DNAH6: variants seen among roughly 807,000 people sequenced by gnomAD.
DNAH6 encodes the protein dynein axonemal heavy chain 6, also known as axonemal beta dynein heavy chain 6.
Under a neutral mutation model 491.4 loss-of-function variants are expected in DNAH6, and 340 were observed. That is an observed-to-expected ratio of 0.69 (90% CI 0.63 to 0.76). The LOEUF (loss-of-function observed/expected upper bound fraction) is 0.76, where lower values mean the gene tolerates loss of function less well. Ranked by LOEUF, DNAH6 falls within the 30% of genes least tolerant of loss-of-function variation. The pLI is 0.00. For synonymous variants in DNAH6, 1,603 were observed against 1,686.1 expected (o/e 0.95, Z 1.21); for missense variants, 4,443 against 4,972.2 (o/e 0.89, Z 3.20).
intron 54 of DNAH6, among the ~76,000 whole-genome samples, chr2:84,708,519 AAGAG>A (rs1455985407): frequency 6.8e-6 from 1 of 146,192 alleles, no homozygotes; most frequent in Non-Finnish European, 1.5e-5. Flanking sequence ...GAAAGAAAGA[AAGAG>A]AAAGAAAAAG....
At chr2:84,548,538 T>G (rs1207426645) in intron 8 of DNAH6, 121 bp downstream of exon 8, 26 of 1,109,348 alleles carry the variant, frequency 2.3e-5, no homozygotes, top group Non-Finnish European at 3.5e-5. Context: ...TATCACTATG[T>G]ATATCAAAGC....
intron 10 of DNAH6, among the ~76,000 whole-genome samples, chr2:84,557,005 G>A (rs1331041197): frequency 6.6e-6 from 1 of 152,220 alleles, no homozygotes; most frequent in Admixed American, 6.5e-5. Context: ...AAATACTGCA[G>A]TGATTGTCCT....
chr2:84,544,348 G>C lies in DNAH6; in HGVS notation c.778G>C (p.Glu260Gln). The C allele has an allele frequency of 6.5e-7, 1 of 1,545,686 alleles. No individual in the cohort carries two copies. Among genetic ancestry groups the C allele is most frequent in the Non-Finnish European group, 8.8e-7 (1 of 1,141,846 alleles). Residue 260 changes from glutamate to glutamine, a missense_variant, in exon 5 of 77, where the codon GAA becomes CAA. Physicochemically the swap from Glu to Gln is conservative, Grantham distance 29. This residue lies in a region of DNAH6 where 2,977 missense variants were observed against 3,296.6 expected (regional missense o/e 0.90). Transcript: ENST00000389394. ...TATCGAAATTGATCGATGGGAACAG[G>C]AATATCTGTATCACAGAGAACTCAC... ...EFIEIDRWEQEYLYHRELTKI... is the reference protein window; with the variant it reads ...EFIEIDRWEQQYLYHRELTKI...
intron 15 of DNAH6, among the ~76,000 whole-genome samples, chr2:84,588,057 G>A (rs907984511): frequency 6.6e-6 from 1 of 152,196 alleles, no homozygotes; most frequent in Non-Finnish European, 1.5e-5. Flanking sequence ...TCTCTCAACA[G>A]TTCCCACTAC....
intron 64 of DNAH6, among the ~76,000 whole-genome samples, chr2:84,772,260 A>C (rs1193577595): frequency 6.6e-6 from 1 of 152,192 alleles, no homozygotes; most frequent in East Asian, 1.9e-4. Context: ...ATATCTAACT[A>C]ACAAAAAGAA....
At chr2:84,729,803 T>C (rs1244677274) in intron 61 of DNAH6, among the ~76,000 whole-genome samples, 1 of 149,258 alleles carries the variant, frequency 6.7e-6, no homozygotes, top group Non-Finnish European at 1.5e-5. Context: ...GTATTTTATA[T>C]GGTCACTTCA....
chr2:84,778,243 G>C (rs922689631), intron 64 of DNAH6: 2 of 625,280 alleles, frequency 3.2e-6, no homozygotes, highest in African/African-American at 3.7e-5. Context: ...GGAACCAAAA[G>C]GAATCAGGAA....
At chr2:84,676,891 A>G (rs1350329750) in intron 40 of DNAH6, 114 bp from the exon 41 acceptor site, 2 of 1,187,622 alleles carry the variant, frequency 1.7e-6, no homozygotes, top group Non-Finnish European at 2.4e-6. Flanking sequence ...GTCATTTAAC[A>G]TGCACAAAAA....
chr2:84,656,477 T>A lies in DNAH6; in HGVS notation c.5757+1695T>A, dbSNP rs192379211. Among the ~76,000 whole-genome samples, 4 of 152,210 alleles carry A rather than the reference T, an allele frequency of 2.6e-5. No homozygotes were observed. In the East Asian group the frequency reaches 7.7e-4, roughly 29 times the overall value. ...GGCATTGTCAGTGTTTTGGATTTTA[T>A]GCATTCTAATGGGCACGTAGTAGTA... On this transcript the variant is annotated intron_variant, in intron 35 of 76. Transcript: ENST00000389394.
intron 37 of DNAH6, among the ~76,000 whole-genome samples, chr2:84,660,097 A>T (rs1044392893): frequency 6.6e-6 from 1 of 152,230 alleles, no homozygotes; most frequent in African/African-American, 2.4e-5. Flanking sequence ...CAATGAGCAT[A>T]TCTAGTATAC....
At chr2:84,614,411 C>T (rs1686638343) in intron 22 of DNAH6, among the ~76,000 whole-genome samples, 1 of 152,088 alleles carries the variant, frequency 6.6e-6, no homozygotes, top group Non-Finnish European at 1.5e-5. Flanking sequence ...TATCTACACA[C>T]ATTTTCTTTA....
At chr2:84,609,077 C>A (rs1686054343) in intron 21 of DNAH6, among the ~76,000 whole-genome samples, 1 of 152,190 alleles carries the variant, frequency 6.6e-6, no homozygotes, top group Non-Finnish European at 1.5e-5. Context: ...TTCCTCACCT[C>A]TCTTAGCCTT....
At chr2:84,748,275 T>C (rs1323075510) in intron 63 of DNAH6, among the ~76,000 whole-genome samples, 1 of 152,204 alleles carries the variant, frequency 6.6e-6, no homozygotes, top group Admixed American at 6.5e-5. Context: ...ACCCTCAGTT[T>C]CCCTTTTAAT....
At chr2:84,460,504 T>C in the DNAH6 span, among the ~76,000 whole-genome samples, 3 of 152,244 alleles carry the variant, frequency 2.0e-5, no homozygotes, top group African/African-American at 4.8e-5. Context: ...TTTCATTTAA[T>C]TGATAAAATG....
At chr2:84,528,856 AT>A (rs1558666451) in intron 3 of DNAH6, 47 bp from the exon 4 acceptor site, 24 of 1,473,992 alleles carry the variant, frequency 1.6e-5, no homozygotes, top group Non-Finnish European at 2.0e-5. Flanking sequence ...TCTTGTGTGT[AT>A]GTGTGCAAAG....
rs72922713 is a variant in DNAH6 at position 84,610,859 on chromosome 2, G to A, written c.3295-815G>A. Among the ~76,000 whole-genome samples the A allele has an allele frequency of 7.6e-3, 1,158 of 152,304 alleles. 12 individuals are homozygous for A. The highest frequency in any genetic ancestry group is 0.026 in the African/African-American group (1,061 of 41,570). On this transcript the variant is annotated intron_variant, in intron 21 of 76. Coordinates refer to ENST00000389394, the MANE Select transcript of DNAH6 (RefSeq NM_001370.2). ...GAGCCCTGTGAAGGGAGGGACTACA[G>A]ATCAAAGTCAAGGGGGACGTTTTCA...
At chr2:84,547,678 A>G (rs954877949) in intron 7 of DNAH6, 66 bp downstream of exon 7, 2 of 1,474,326 alleles carry the variant, frequency 1.4e-6, no homozygotes, top group African/African-American at 2.8e-5. Flanking sequence ...GCCCTTTTTT[A>G]TTTGACTTTT....
At position 84,694,326 on chromosome 2, in the gene DNAH6, C is replaced by A; in HGVS notation, c.7370C>A (p.Thr2457Lys). The part of the protein sequence containing the change: ...GVGGTGKQSL[T>K]RLAAHICGYK... ...GGAGGCACAGGAAAGCAGTCACTCA[C>A]GAGACTTGCAGCTCATATATGCGGT... Residue 2457 changes from threonine (T) to lysine (K), a missense_variant, in exon 46 of 77, where the codon ACG becomes AAG. Physicochemically the swap from Thr to Lys is moderately conservative, Grantham distance 78. Coordinates refer to ENST00000389394, the MANE Select transcript of DNAH6 (RefSeq NM_001370.2). 1 of 1,552,344 alleles carries A rather than the reference C, an allele frequency of 6.4e-7. No homozygotes were observed. Among genetic ancestry groups the A allele is most frequent in the Non-Finnish European group, 8.7e-7 (1 of 1,147,124 alleles).
At chr2:84,477,175 T>C in the DNAH6 span, among the ~76,000 whole-genome samples, 1 of 152,208 alleles carries the variant, frequency 6.6e-6, no homozygotes, top group Non-Finnish European at 1.5e-5. Flanking sequence ...ATGCTATTTA[T>C]TGGTAATCCA....
Sources: allele counts gnomAD v4.1 joint callset (sites outside exome capture counted in the v4.1 genomes callset), GRCh38; gene constraint gnomAD v4.1.1; regional missense constraint gnomAD v4.1.1; transcripts MANE v1.5; gene names NCBI Gene and HGNC (gene_info 2026-07-23, HGNC 2026-07-21).